The following KIF27 variants were observed in gnomAD, a reference collection of about 807,000 sequenced individuals.
The protein encoded by KIF27 is kinesin-like protein KIF27.
In KIF27, 84 loss-of-function variants were observed where a neutral mutation model predicts 141.8. That is an observed-to-expected ratio of 0.59 (90% CI 0.50 to 0.71). The LOEUF (loss-of-function observed/expected upper bound fraction) is 0.71. Among genes scored for constraint, KIF27 ranks in the 30% least tolerant of loss-of-function variants. The pLI is 0.00. For synonymous variants in KIF27, 471 were observed against 569.5 expected, an observed-to-expected ratio of 0.83 and a Z score of 2.46; for missense variants, 1,306 against 1,628.4, an observed-to-expected ratio of 0.80 and a Z score of 3.41.
At chr9:83,856,584 AC>A (rs1241296298) in intron 14 of KIF27, among the ~76,000 whole-genome samples, 1 of 151,922 alleles carries the variant, frequency 6.6e-6, no homozygotes, top group Non-Finnish European at 1.5e-5. Context: ...CTACTAAAAT[AC>A]AAAAAACTAG....
At chr9:83,910,095 T>A (rs10868069) in intron 2 of KIF27, among the ~76,000 whole-genome samples, 6 of 151,300 alleles carry the variant, frequency 4.0e-5, no homozygotes, top group Admixed American at 1.3e-4. Flanking sequence ...ACGTACGTAC[T>A]TACATACATA....
chr9:83,856,673 G>A (rs1418768289), intron 14 of KIF27, among the ~76,000 whole-genome samples: 5 of 151,330 alleles, frequency 3.3e-5, no homozygotes, highest in African/African-American at 9.7e-5. Flanking sequence ...CCAGGCAGGC[G>A]GAGGTTGTAG....
intron 5 of KIF27, among the ~76,000 whole-genome samples, chr9:83,893,718 T>C (rs867688638): frequency 1.3e-5 from 2 of 152,012 alleles, no homozygotes; most frequent in Non-Finnish European, 2.9e-5. Context: ...AGCAGGAGGT[T>C]ACCCCAAAAG....
chr9:83,862,477 A>G (rs1008872307), intron 13 of KIF27, among the ~76,000 whole-genome samples: 2 of 152,280 alleles, frequency 1.3e-5, no homozygotes, highest in African/African-American at 4.8e-5. Flanking sequence ...CAAAGATCAG[A>G]GAGTTGTAGA....
chr9:83,856,600 G>A (rs1217370528), intron 14 of KIF27, among the ~76,000 whole-genome samples: 3 of 151,992 alleles, frequency 2.0e-5, no homozygotes, highest in Admixed American at 1.3e-4. Flanking sequence ...AACTAGCCAA[G>A]CATGATGGCA....
intron 16 of KIF27, among the ~76,000 whole-genome samples, chr9:83,843,201 C>T (rs967466928): frequency 6.5e-4 from 95 of 146,926 alleles, no homozygotes; most frequent in African/African-American, 2.2e-3. Flanking sequence ...AAGACTAAAT[C>T]ACAAAGGAAA....
At chr9:83,904,115 C>A in intron 3 of KIF27, 97 bp from the exon 4 acceptor site, 1 of 822,954 alleles carries the variant, frequency 1.2e-6, no homozygotes, top group South Asian at 2.2e-5. Flanking sequence ...CAAGATAGTC[C>A]CTTTTTTAAA....
At chr9:83,908,677 C>T (rs1279152228) in intron 2 of KIF27, 25 bp from the exon 3 acceptor site, 1 of 1,470,884 alleles carries the variant, frequency 6.8e-7, no homozygotes, top group Non-Finnish European at 9.3e-7. Context: ...AAAGAAAGCA[C>T]ATCTGGAACT....
chr9:83,846,348 A>T (rs1947274860), intron 16 of KIF27, among the ~76,000 whole-genome samples: 1 of 152,278 alleles, frequency 6.6e-6, no homozygotes, highest in East Asian at 1.9e-4. Flanking sequence ...AGAGTGCCTT[A>T]TCCACTGTCA....
intron 1 of KIF27, among the ~76,000 whole-genome samples, chr9:83,920,775 G>A (rs1303028630): frequency 1.3e-5 from 2 of 152,164 alleles, no homozygotes; most frequent in African/African-American, 4.8e-5. Flanking sequence ...ATAGTCACCT[G>A]CCTCCGAGGG....
Position 83,903,376 on chromosome 9 carries a change from G to C in KIF27, c.1142C>G (p.Thr381Ser). The C allele has an allele frequency of 1.2e-6, 2 of 1,614,074 alleles. No homozygotes were observed. The highest frequency in any genetic ancestry group is 1.7e-6 in the Non-Finnish European group (2 of 1,180,026). ...QSQQAGVSQT[T>S]QINREGSPDT... Reference sequence around the variant, plus strand: ...AGGACTCCCTTCTCGATTGATCTGGGTAGTTTGGCTGACACCAGCCTGCTG... The same window carrying C: ...AGGACTCCCTTCTCGATTGATCTGGCTAGTTTGGCTGACACCAGCCTGCTG... Residue 381 changes from threonine to serine, a missense_variant, in exon 4 of 18, where the codon ACC (threonine) becomes AGC (serine). By Grantham distance (58) the Thr-to-Ser change is moderately conservative (BLOSUM62 1). This residue lies in a region of KIF27 where 533 missense variants were observed against 565.6 expected (regional missense o/e 0.94). Coordinates refer to ENST00000297814, the MANE Select transcript of KIF27 (RefSeq NM_017576.4).
At chr9:83,864,074 T>C (rs564859980) in intron 13 of KIF27, among the ~76,000 whole-genome samples, 1 of 152,304 alleles carries the variant, frequency 6.6e-6, no homozygotes, top group South Asian at 2.1e-4. Context: ...TCTTTTCTTC[T>C]TTATTAGTCT....
chr9:83,900,196 T>C (rs899357908), intron 4 of KIF27, among the ~76,000 whole-genome samples: 10 of 151,786 alleles, frequency 6.6e-5, no homozygotes, highest in South Asian at 4.2e-4. Flanking sequence ...ATTAGGGCAT[T>C]TGAATGAAGC....
intron 17 of KIF27, among the ~76,000 whole-genome samples, chr9:83,841,164 G>A (rs1339619915): frequency 2.0e-5 from 3 of 151,790 alleles, no homozygotes; most frequent in African/African-American, 7.3e-5. Context: ...TCCGCCTCCC[G>A]GGTTCAAGCG....
In KIF27 at chr9:83,850,083, C is replaced by A; in HGVS notation, c.3556+16G>T. The A allele has an allele frequency of 6.2e-7, 1 of 1,610,008 alleles. No homozygotes were observed. The highest frequency in any genetic ancestry group is 1.1e-5 in the South Asian group (1 of 90,940). ...CTACACATCAACCTTACATAACTGT[C>A]AAAAGGGGAAGTTACCTTTGAAATG... is the stretch of plus-strand genomic sequence containing the variant. On this transcript the variant is annotated intron_variant, in intron 16 of 17. Coordinates refer to ENST00000297814, the MANE Select transcript of KIF27 (RefSeq NM_017576.4).
chr9:83,837,159 G>C lies in KIF27; in HGVS notation c.4048C>G (p.Leu1350Val), dbSNP rs1249944935. ...AGTTTTACAGGTGTGACACCATGAA[G>C]TCGTCCCACATTTCCCACAACCTGA... ...QIQVVGNVGR[L>V]HGVTPVKLCR... The change falls in exon 18 of 18, where the codon CTT (leucine) becomes GTT (valine). Residue 1350 changes from leucine (L) to valine (V), a missense_variant. Leu to Val is a conservative substitution (Grantham distance 32). Around this residue, in one of 4 missense-constraint regions of KIF27, gnomAD observed 148 missense variants for 250.9 expected, o/e 0.59. Transcript: ENST00000297814. 1 of 1,614,008 alleles carries C rather than the reference G, an allele frequency of 6.2e-7. No individual in the cohort carries two copies. Among genetic ancestry groups the C allele is most frequent in the Non-Finnish European group, 8.5e-7 (1 of 1,180,026 alleles).
chr9:83,871,194 T>G (rs1192790594), intron 11 of KIF27, among the ~76,000 whole-genome samples: 3 of 152,178 alleles, frequency 2.0e-5, no homozygotes, highest in African/African-American at 7.2e-5. Flanking sequence ...GTTCTGGGAT[T>G]ATAGGCATAA....
intron 1 of KIF27, among the ~76,000 whole-genome samples, chr9:83,917,420 T>C (rs538836399): frequency 6.6e-6 from 1 of 152,308 alleles, no homozygotes; most frequent in African/African-American, 2.4e-5. Flanking sequence ...ATGCAATACC[T>C]ATCAAAATGT....
At chr9:83,844,560 C>T (rs1947013638) in intron 16 of KIF27, among the ~76,000 whole-genome samples, 1 of 152,036 alleles carries the variant, frequency 6.6e-6, no homozygotes, top group Non-Finnish European at 1.5e-5. Context: ...ATGGAGAACA[C>T]TGATAGTCCT....
Sources: gnomAD v4.1 joint callset for allele counts (sites outside exome capture counted in the v4.1 genomes callset) on GRCh38, gnomAD v4.1.1 for gene constraint, gnomAD v4.1.1 regional missense constraint, MANE v1.5 for transcripts, NCBI Gene and HGNC (gene_info 2026-07-23, HGNC 2026-07-21) for gene names.